The following PLCE1 variants were observed in gnomAD, a reference collection of about 807,000 sequenced individuals.
PLCE1 encodes phospholipase C epsilon 1, also known as 1-phosphatidylinositol 4,5-bisphosphate phosphodiesterase epsilon-1.
Under a neutral mutation model 242.8 loss-of-function variants are expected in PLCE1, and 119 were observed. The ratio of observed to expected loss-of-function variants is 0.49; its 90% confidence interval spans 0.42 to 0.57. The LOEUF (loss-of-function observed/expected upper bound fraction) is 0.57, where lower values mean the gene tolerates loss of function less well. Among genes scored for constraint, PLCE1 ranks in the 20% least tolerant of loss-of-function variants. PLCE1 has a pLI of 0.00. For synonymous variants in PLCE1, 945 were observed against 1,017.4 expected (o/e 0.93, Z 1.35); for missense variants, 2,441 against 2,788.8 (o/e 0.88, Z 2.81).
intron 2 of PLCE1, chr10:94,094,654 T>A (rs2045231737): frequency 6.6e-6 from 1 of 152,194 alleles, no homozygotes; most frequent in African/African-American, 2.4e-5. Context: ...CCTGGGTCAG[T>A]CATGGGTAAC....
intron 24 of PLCE1, among the ~76,000 whole-genome samples, chr10:94,303,224 T>C: frequency 6.6e-6 from 1 of 152,238 alleles, no homozygotes; most frequent in Non-Finnish European, 1.5e-5. Flanking sequence ...GCACTTTGCC[T>C]TGATGTGGCC....
chr10:94,292,740 C>T (rs2052684200), intron 22 of PLCE1, among the ~76,000 whole-genome samples: 1 of 152,206 alleles, frequency 6.6e-6, no homozygotes, highest in South Asian at 2.1e-4. Context: ...GCTGCTTCAG[C>T]TTAGGGAATT....
intron 16 of PLCE1, among the ~76,000 whole-genome samples, chr10:94,266,951 C>G (rs904807698): frequency 2.0e-5 from 3 of 152,184 alleles, no homozygotes; most frequent in Non-Finnish European, 4.4e-5. Flanking sequence ...CTCAGCCCCC[C>G]ACACTGAGAT....
At chr10:94,319,378 G>T (rs1000193817) in intron 29 of PLCE1, among the ~76,000 whole-genome samples, 6 of 152,188 alleles carry the variant, frequency 3.9e-5, no homozygotes, top group African/African-American at 1.4e-4. Flanking sequence ...AGAGGAGACA[G>T]ATTTGGGCTA....
At chr10:94,244,622 T>C (rs1335934054) in intron 7 of PLCE1, among the ~76,000 whole-genome samples, 1 of 152,178 alleles carries the variant, frequency 6.6e-6, no homozygotes, top group Non-Finnish European at 1.5e-5. Context: ...AGAGTAGAAA[T>C]CTAAGGTTGA....
intron 2 of PLCE1, among the ~76,000 whole-genome samples, chr10:94,071,914 C>T (rs181146340): frequency 1.8e-4 from 27 of 152,166 alleles, no homozygotes; most frequent in African/African-American, 3.1e-4. Context: ...TCTCTTTTAA[C>T]GTTTCTCTTT....
Position 94,321,890 on chromosome 10 carries a change from T to C in PLCE1, c.6343-11T>C. 6.2e-7 allele frequency: 1 copy of C among 1,607,806 alleles called. No individual in the cohort carries two copies. The highest frequency in any genetic ancestry group is 1.1e-5 in the South Asian group (1 of 90,916). On this transcript the variant is annotated splice_polypyrimidine_tract_variant and intron_variant, in intron 29 of 32. Transcript: ENST00000371380. ...CTATTATTTACTCACATTTTTTCTT[T>C]TTAAACATAGAACCTAGAAGAGAAA...
chr10:94,301,876 A>G (rs1440363032), intron 24 of PLCE1, among the ~76,000 whole-genome samples: 2 of 151,672 alleles, frequency 1.3e-5, no homozygotes, highest in Non-Finnish European at 2.9e-5. Context: ...CTTTTTTTAA[A>G]GAATTTATTA....
rs535958332 is a variant in PLCE1 at position 94,031,029 on chromosome 10, C to T, written c.-18C>T. The T allele has an allele frequency of 6.2e-7, 1 of 1,613,036 alleles. No individual in the cohort carries two copies. Among genetic ancestry groups the T allele is most frequent in the East Asian group, 2.2e-5 (1 of 44,856 alleles). Reference sequence around the variant, plus strand: ...AGGAAAAATAGAGCAATAGTCAAAACCTGTGTGTTAGTCCAAGATGACTTC... The same window carrying T: ...AGGAAAAATAGAGCAATAGTCAAAATCTGTGTGTTAGTCCAAGATGACTTC... On this transcript the variant is annotated 5_prime_UTR_variant, in exon 2 of 33. Transcript: ENST00000371380.
At chr10:94,285,023 C>A in intron 22 of PLCE1, 58 bp downstream of exon 22, 2 of 979,370 alleles carry the variant, frequency 2.0e-6, no homozygotes, top group Non-Finnish European at 1.7e-6. Flanking sequence ...AAAAATATGC[C>A]ATTTATTTAA....
At position 94,324,531 on chromosome 10, in the gene PLCE1, A is replaced by G; in HGVS notation, c.6684A>G (p.Ala2228=). The G allele has an allele frequency of 6.2e-7, 1 of 1,614,188 alleles. No individual in the cohort carries two copies. Among genetic ancestry groups the G allele is most frequent in the South Asian group, 1.1e-5 (1 of 91,082 alleles). Residue 2228 remains alanine (A), a synonymous_variant, in exon 31 of 33, where the codon GCA becomes GCG. Transcript: ENST00000371380. The stretch of plus-strand genomic sequence containing the variant: ...AAGCCCAAAGCAAGTGGAAAGGTGC[A>G]GGAAAATTCATCCTTAAGCTAAAGG... ...VFQAQSKWKG[A]GKFILKLKEQ...
chr10:94,299,523 A>G (rs1178837693), intron 24 of PLCE1, among the ~76,000 whole-genome samples: 2 of 152,228 alleles, frequency 1.3e-5, no homozygotes, highest in Non-Finnish European at 2.9e-5. Context: ...ACAGAAGGTA[A>G]GAGTAGATAA....
chr10:94,311,605 T>G (rs1199425679), intron 27 of PLCE1, among the ~76,000 whole-genome samples: 1 of 152,220 alleles, frequency 6.6e-6, no homozygotes, highest in Non-Finnish European at 1.5e-5. Flanking sequence ...TAAGACTTGA[T>G]CATTCTATTT....
rs147927447 is a variant in PLCE1, at chr10:94,077,266, A to G, written c.1206+45014A>G. Among the ~76,000 whole-genome samples, 10 of 152,298 alleles carry G rather than the reference A, an allele frequency of 6.6e-5. No individual in the cohort carries two copies. The East Asian group carries it at 1.9e-3, about 29-fold the overall frequency. The stretch of plus-strand genomic sequence containing the variant: ...TCAACAACTGGGGTGACGGGATGCT[A>G]CTGGCATCTAATGGGTAGTGGCCAG... On this transcript the variant is annotated intron_variant, in intron 2 of 32. Transcript: ENST00000371380.
intron 4 of PLCE1, among the ~76,000 whole-genome samples, chr10:94,172,436 G>T (rs1249218563): frequency 6.6e-6 from 1 of 152,110 alleles, no homozygotes; most frequent in Non-Finnish European, 1.5e-5. Context: ...TGCCTATTTT[G>T]GTCATTTAGT....
intron 4 of PLCE1, among the ~76,000 whole-genome samples, chr10:94,184,279 A>C (rs1382203982): frequency 6.6e-6 from 1 of 152,218 alleles, no homozygotes; most frequent in Non-Finnish European, 1.5e-5. Context: ...AATCCAAGAT[A>C]ACAAGACCCT....
chr10:94,223,231 T>TAAAAAA, intron 4 of PLCE1, among the ~76,000 whole-genome samples: 1 of 16,686 alleles, frequency 6.0e-5, no homozygotes, highest in East Asian at 0.016. Context: ...ACTCCATCTC[T>TAAAAAA]ACAAAAAAAA....
At chr10:94,082,796 A>G (rs2044691918) in intron 2 of PLCE1, among the ~76,000 whole-genome samples, 1 of 152,202 alleles carries the variant, frequency 6.6e-6, no homozygotes, top group Non-Finnish European at 1.5e-5. Flanking sequence ...TTATAATATC[A>G]TCCAAGCAAT....
chr10:94,213,241 T>C (rs1242068952), intron 4 of PLCE1, among the ~76,000 whole-genome samples: 1 of 152,224 alleles, frequency 6.6e-6, no homozygotes. Flanking sequence ...TGTACAGCTC[T>C]GTTAGTTTTT....
Sources: gnomAD v4.1 joint callset for allele counts (sites outside exome capture counted in the v4.1 genomes callset) on GRCh38, gnomAD v4.1.1 for gene constraint, MANE v1.5 for transcripts, NCBI Gene and HGNC (gene_info 2026-07-23, HGNC 2026-07-21) for gene names.